KAZN: variants seen among roughly 807,000 people sequenced by gnomAD.
KAZN encodes the protein kazrin.
KAZN carries 40 observed loss-of-function variants against 87.4 expected under a neutral mutation model. That is an observed-to-expected ratio of 0.46 (90% CI 0.36 to 0.60). The LOEUF is 0.60. KAZN is among the 20% of genes least tolerant of loss of function. The pLI is 0.00. For missense variants in KAZN, 898 were observed against 1,073.9 expected (o/e 0.84, Z 2.29); for synonymous variants, 466 against 458.3 (o/e 1.02, Z -0.22).
chr1:14,928,002 G>A (rs897958986), intron 1 of KAZN, among the ~76,000 whole-genome samples: 1 of 151,954 alleles, frequency 6.6e-6, no homozygotes, highest in African/African-American at 2.4e-5. Context: ...GGGAAGTGCA[G>A]TTGCTAATCC....
chr1:15,081,446 T>A lies in KAZN; in HGVS notation c.1223-12734T>A, dbSNP rs1639999685. 6.6e-6 allele frequency among the ~76,000 whole-genome samples: 1 copy of A among 152,196 alleles called. No individual in the cohort carries two copies. The highest frequency in any genetic ancestry group is 1.5e-5 in the Non-Finnish European group (1 of 68,036). Reference sequence around the variant, plus strand: ...GAGCAAAACCAGGCCCAGCGCCTGCTCATGTGCAGTTTATGGTCTGGTGGG... The same window carrying A: ...GAGCAAAACCAGGCCCAGCGCCTGCACATGTGCAGTTTATGGTCTGGTGGG... On this transcript the variant is annotated intron_variant, in intron 8 of 14. Coordinates refer to ENST00000376030, the MANE Select transcript of KAZN (RefSeq NM_201628.3). The surrounding 1 kb of genome is among the most constrained non-coding windows in gnomAD (Gnocchi z 4.1).
chr1:14,926,159 G>A (rs10927576), intron 1 of KAZN, among the ~76,000 whole-genome samples: 27,208 of 152,082 alleles, frequency 0.18, 3,506 homozygotes, highest in African/African-American at 0.36. Flanking sequence ...AGATTGTGGC[G>A]CTCTCTGCTC....
chr1:15,082,007 G>T (rs1640026389), intron 8 of KAZN, among the ~76,000 whole-genome samples: 1 of 152,196 alleles, frequency 6.6e-6, no homozygotes, highest in African/African-American at 2.4e-5. Flanking sequence ...CAGCTGGAGT[G>T]CTCCAGATAG....
chr1:14,077,843 A>C (rs1185745393), intron 1 of KAZN, among the ~76,000 whole-genome samples: 3 of 152,120 alleles, frequency 2.0e-5, no homozygotes, highest in Non-Finnish European at 4.4e-5. Flanking sequence ...GGGAGAAAGC[A>C]ATGTGAAAAT....
At chr1:14,289,520 T>TA (rs60658861) in intron 2 of KAZN, among the ~76,000 whole-genome samples, 3 of 152,112 alleles carry the variant, frequency 2.0e-5, no homozygotes, top group African/African-American at 4.8e-5. Flanking sequence ...TTTTTTTTTT[T>TA]ACTTTCCATT....
chr1:15,028,624 G>A (rs1671400232), intron 2 of KAZN, among the ~76,000 whole-genome samples: 2 of 152,242 alleles, frequency 1.3e-5, no homozygotes, highest in African/African-American at 2.4e-5. Context: ...CACCTGCCAT[G>A]TGCAAACTGG....
chr1:14,670,311 C>G (rs745384039), intron 1 of KAZN, among the ~76,000 whole-genome samples: 1 of 152,170 alleles, frequency 6.6e-6, no homozygotes, highest in Non-Finnish European at 1.5e-5. Flanking sequence ...GGTATTCAAG[C>G]CTGAGCGAGC....
At chr1:14,295,468 A>G (rs939377652) in intron 2 of KAZN, among the ~76,000 whole-genome samples, 2 of 152,168 alleles carry the variant, frequency 1.3e-5, no homozygotes, top group East Asian at 3.9e-4. Flanking sequence ...GAGACTCGGG[A>G]CAAAAAACCA....
At chr1:15,004,370 C>T (rs1369050636) in intron 2 of KAZN, among the ~76,000 whole-genome samples, 1 of 152,180 alleles carries the variant, frequency 6.6e-6, no homozygotes, top group Non-Finnish European at 1.5e-5. Context: ...GTGCAAATAT[C>T]ATTGCAGAGT....
At chr1:14,057,031 G>A (rs1432506907) in intron 1 of KAZN, among the ~76,000 whole-genome samples, 3 of 135,052 alleles carry the variant, frequency 2.2e-5, no homozygotes, top group Non-Finnish European at 3.1e-5. Context: ...GTGAAAGAGC[G>A]AGACCCTGTC....
At chr1:14,620,685 CA>C (rs1372620747) in intron 1 of KAZN, among the ~76,000 whole-genome samples, 2 of 152,210 alleles carry the variant, frequency 1.3e-5, no homozygotes, top group Non-Finnish European at 2.9e-5. Context: ...GAGGCCTTCT[CA>C]AGTAACAGTC....
chr1:14,606,080 G>T (rs562494061), intron 1 of KAZN, among the ~76,000 whole-genome samples: 2 of 152,348 alleles, frequency 1.3e-5, no homozygotes, highest in Admixed American at 1.3e-4. Flanking sequence ...AGGGCATATG[G>T]TCAGGAAGTG....
intron 1 of KAZN, among the ~76,000 whole-genome samples, chr1:14,778,408 A>C (rs4661530): frequency 0.76 from 112,894 of 149,274 alleles, 42,801 homozygotes; most frequent in South Asian, 0.84. Context: ...AAAAAAAAAA[A>C]AAAAACCCAC....
intron 1 of KAZN, among the ~76,000 whole-genome samples, chr1:13,962,788 C>T (rs1350244655): frequency 6.6e-6 from 1 of 152,200 alleles, no homozygotes; most frequent in African/African-American, 2.4e-5. Context: ...GAACTCCTGA[C>T]CTCAGGTGAT....
chr1:13,908,796 A>G (rs940010301), intron 1 of KAZN, among the ~76,000 whole-genome samples: 9 of 152,280 alleles, frequency 5.9e-5, no homozygotes, highest in African/African-American at 2.2e-4. Flanking sequence ...GAGCTGCAAA[A>G]ATTGTTGTGT....
intron 2 of KAZN, among the ~76,000 whole-genome samples, chr1:14,490,473 T>C (rs981681394): frequency 1.3e-5 from 2 of 152,024 alleles, no homozygotes; most frequent in Admixed American, 6.6e-5. Context: ...GGTTGTTTTT[T>C]TTGTTTGTTT....
intron 2 of KAZN, chr1:14,304,662 C>G (rs575979206): frequency 5.0e-6 from 2 of 398,430 alleles, no homozygotes; most frequent in Admixed American, 4.4e-5. Flanking sequence ...CTTCTGAAAC[C>G]GGTGAGCTTC....
intron 1 of KAZN, among the ~76,000 whole-genome samples, chr1:14,174,965 G>A (rs1473864898): frequency 6.6e-6 from 1 of 152,160 alleles, no homozygotes; most frequent in Non-Finnish European, 1.5e-5. Context: ...GCCAAAGCAA[G>A]TCATATGGCA....
intron 2 of KAZN, among the ~76,000 whole-genome samples, chr1:14,186,833 T>C (rs561001362): frequency 6.6e-6 from 1 of 152,150 alleles, no homozygotes; most frequent in Non-Finnish European, 1.5e-5. Context: ...CTGCTCTAAG[T>C]TCTAGGGACA....
Sources: gnomAD v4.1 joint callset for allele counts (sites outside exome capture counted in the v4.1 genomes callset) on GRCh38, gnomAD v4.1.1 for gene constraint, Gnocchi (gnomAD v3.1) non-coding constraint, MANE v1.5 for transcripts, NCBI Gene and HGNC (gene_info 2026-07-23, HGNC 2026-07-21) for gene names.